TTN: variants seen among roughly 807,000 people sequenced by gnomAD.
TTN encodes connectin.
Under a neutral mutation model 3,223.0 loss-of-function variants are expected in TTN, and 1,525 were observed. The ratio of observed to expected loss-of-function variants is 0.47; its 90% CI spans 0.45 to 0.49. TTN has a LOEUF of 0.49. TTN is among the 20% of genes least tolerant of loss of function. The pLI, the probability that TTN is intolerant of heterozygous loss-of-function variation, is 0.00. For missense variants in TTN, 40,786 were observed against 43,424.0 expected (o/e 0.94, Z 5.40); for synonymous variants, 14,094 against 15,161.0 (o/e 0.93, Z 5.17).
At chr2:178,541,764 TATTTA>T (rs1694642494) in intron 349 of TTN, 180 bp from the exon 350 acceptor site, 2 of 371,118 alleles carry the variant, frequency 5.4e-6, no homozygotes, top group East Asian at 5.3e-5. Context: ...ATCATTTAAT[TATTTA>T]ATTATTTTTA....
At chr2:178,649,474 CAAT>C (rs1210826222) in intron 212 of TTN, 77 bp downstream of exon 212, 24 of 1,435,084 alleles carry the variant, frequency 1.7e-5, no homozygotes, top group Admixed American at 9.5e-5. Flanking sequence ...TATGCAACAA[CAAT>C]GAGGACAACT....
chr2:178,623,056 G>C (rs2058536563), intron 242 of TTN, among the ~76,000 whole-genome samples: 1 of 151,850 alleles, frequency 6.6e-6, no homozygotes, highest in Non-Finnish European at 1.5e-5. Flanking sequence ...TTGAATAATA[G>C]CTGGAGGAAA....
At position 178,598,898 on chromosome 2, in the gene TTN, G is replaced by A; in HGVS notation, c.56812C>T (p.Pro18938Ser). 6.2e-7 allele frequency: 1 copy of A among 1,613,062 alleles called. No individual in the cohort carries two copies. Among genetic ancestry groups the A allele is most frequent in the Non-Finnish European group, 8.5e-7 (1 of 1,179,476 alleles). The change falls in exon 291 of 363, where the codon CCT (proline) becomes TCT (serine). Residue 18938 changes from proline to serine, a missense_variant. Physicochemically the swap from Pro to Ser is moderately conservative, Grantham distance 74 (BLOSUM62 -1). Coordinates refer to ENST00000589042, the MANE Select transcript of TTN (RefSeq NM_001267550.2). The part of the protein sequence containing the change: ...SKRWKRVNRD[P>S]IKAMTLGVSY... ...ACACCCAAAGTCATGGCTTTGATAG[G>A]ATCTCGGTTAACTCTCTTCCATCTC...
intron 242 of TTN, among the ~76,000 whole-genome samples, chr2:178,623,576 G>C (rs1325100857): frequency 6.6e-6 from 1 of 151,884 alleles, no homozygotes; most frequent in African/African-American, 2.4e-5. Context: ...TTGGAGTGAA[G>C]GTAGATGTCA....
rs1279690538 is a variant in TTN at position 178,624,565 on chromosome 2, C to G, written c.44715G>C (p.Arg14905Ser). ...AGTCATGTATAACAAGTTTTCTGAC[C>G]CTGCCATCAGCAACAATTTCATACT... is the stretch of plus-strand genomic sequence containing the variant. ...SKKYEIVADG[R>S]VRKLVIHDCT... The change falls in exon 242 of 363, where the codon AGG becomes AGC. Residue 14905 changes from arginine to serine, a missense_variant. Coordinates refer to ENST00000589042, the MANE Select transcript of TTN (RefSeq NM_001267550.2). The G allele has an allele frequency of 6.2e-7, 1 of 1,612,586 alleles. No homozygotes were observed. Among genetic ancestry groups the G allele is most frequent in the Non-Finnish European group, 8.5e-7 (1 of 1,179,210 alleles).
chr2:178,750,617 A>C (rs756573695), intron 47 of TTN: 1 of 1,612,758 alleles, frequency 6.2e-7, no homozygotes, highest in South Asian at 1.1e-5. Context: ...AAAAAATCTC[A>C]TGTTTTCTTC....
chr2:178,650,286 G>T lies in TTN; in HGVS notation c.39710-15C>A. 6.5e-7 allele frequency: 1 copy of T among 1,542,530 alleles called. No homozygotes were observed. Among genetic ancestry groups the T allele is most frequent in the Non-Finnish European group, 8.8e-7 (1 of 1,139,966 alleles). ...TTCTTCATATACTTTAAAGATATTA[G>T]TTAATTTTATTTCAATGTATGGAAC... is the stretch of plus-strand genomic sequence containing the variant. On this transcript the variant is annotated splice_polypyrimidine_tract_variant and intron_variant, in intron 209 of 362. Coordinates refer to ENST00000589042, the MANE Select transcript of TTN (RefSeq NM_001267550.2).
chr2:178,762,541 G>C (rs2089483924), intron 43 of TTN, among the ~76,000 whole-genome samples: 1 of 151,964 alleles, frequency 6.6e-6, no homozygotes. Context: ...ATATAGTTAA[G>C]ACAAATATTA....
At chr2:178,704,054 G>C in intron 106 of TTN, 93 bp downstream of exon 106, 1 of 1,477,606 alleles carries the variant, frequency 6.8e-7, no homozygotes, top group Non-Finnish European at 9.1e-7. Context: ...GACCACTTTG[G>C]TGTGTGTCTA....
intron 49 of TTN, among the ~76,000 whole-genome samples, chr2:178,736,955 G>C (rs1015381306): frequency 2.0e-5 from 3 of 152,066 alleles, no homozygotes; most frequent in African/African-American, 4.8e-5. Flanking sequence ...CCTTCCCCTT[G>C]ATATTCTCAT....
chr2:178,583,924 A>T lies in TTN; in HGVS notation c.65276-18T>A. ...AGGAGGATCTAAAACAAAAAGAGGT[A>T]CACTCACCATTTATCTTACCAGCAG... is the stretch of plus-strand genomic sequence containing the variant. On this transcript the variant is annotated intron_variant, in intron 311 of 362. Coordinates refer to ENST00000589042, the MANE Select transcript of TTN (RefSeq NM_001267550.2). The T allele has an allele frequency of 6.6e-6, 10 of 1,522,178 alleles. No individual in the cohort carries two copies. The highest frequency in any genetic ancestry group is 8.0e-6 in the Non-Finnish European group (9 of 1,131,746). The allele number at this position is 1,522,178 out of a possible 1,614,324, so 94.3% of individuals were successfully genotyped here.
rs562662770 is a variant in TTN at position 178,575,087 on chromosome 2, A to G, written c.71045T>C (p.Phe23682Ser). 2 of 1,613,286 alleles carry G rather than the reference A, an allele frequency of 1.2e-6. No individual in the cohort carries two copies. Among genetic ancestry groups the G allele is most frequent in the Middle Eastern group, 1.7e-4 (1 of 6,056 alleles). ...QILKQTQRVN[F>S]ETTATSTILN... is the part of the protein sequence containing the mutation. ...AATGGTTGAAGTCGCTGTGGTTTCA[A>G]AATTAACTCTCTGTGTCTGTTTAAG... Residue 23682 changes from phenylalanine to serine, a missense_variant, in exon 326 of 363, where the codon TTT becomes TCT. Coordinates refer to ENST00000589042, the MANE Select transcript of TTN (RefSeq NM_001267550.2). This position sits in a 1 kb window ranked among gnomAD's most constrained non-coding sequence, Gnocchi z 4.0.
chr2:178,641,200 T>G, intron 220 of TTN, 41 bp downstream of exon 220: 1 of 1,318,296 alleles, frequency 7.6e-7, no homozygotes, highest in Non-Finnish European at 1.0e-6. Flanking sequence ...ATGTCCATTT[T>G]GTTAAAAGAT....
Position 178,561,227 on chromosome 2 carries a change from C to G in TTN, c.84905G>C (p.Cys28302Ser). Reference sequence around the variant, plus strand: ...TGTTTCTTGTATATTAGTATAATTGCACTTCAGCCACCGGCCATCTGGTAG... The same window carrying G: ...TGTTTCTTGTATATTAGTATAATTGGACTTCAGCCACCGGCCATCTGGTAG... ...RELPDGRWLK[C>S]NYTNIQETYF... is the part of the protein sequence containing the mutation. Residue 28302 changes from cysteine (C) to serine (S), a missense_variant, in exon 326 of 363, where the codon TGC becomes TCC. Physicochemically the swap from Cys to Ser is moderately radical, Grantham distance 112. Transcript: ENST00000589042. 6.2e-7 allele frequency: 1 copy of G among 1,613,598 alleles called. No homozygotes were observed. The highest frequency in any genetic ancestry group is 8.5e-7 in the Non-Finnish European group (1 of 1,179,794).
Position 178,642,247 on chromosome 2 carries a change from A to G in TTN, c.40548T>C (p.Val13516=). ...ERKPEPKEEV[V]LKSVLRKRPE... is the part of the protein sequence containing the mutation. The stretch of plus-strand genomic sequence containing the variant: ...TGAAAAATACTATACCGCTTTTCAG[A>G]ACAACTTCTTCCTTTGGTTCAGGTT... Residue 13516 remains valine, a synonymous_variant, in exon 219 of 363, where the codon GTT becomes GTC. Coordinates refer to ENST00000589042, the MANE Select transcript of TTN (RefSeq NM_001267550.2). 1 of 1,588,730 alleles carries G rather than the reference A, an allele frequency of 6.3e-7. No individual in the cohort carries two copies. The highest frequency in any genetic ancestry group is 8.6e-7 in the Non-Finnish European group (1 of 1,166,204).
chr2:178,564,361 T>C lies in TTN; in HGVS notation c.81771A>G (p.Pro27257=), dbSNP rs777471332. ...ARNAAGNFSE[P]SDSSGAITAR... is the part of the protein sequence containing the mutation. ...CAGTAATGGCACCACTACTATCAGA[T>C]GGTTCACTAAAGTTTCCAGCTGCAT... Residue 27257 remains proline, a synonymous_variant, in exon 326 of 363, where the codon CCA becomes CCG. Transcript: ENST00000589042. 3.7e-6 allele frequency: 6 copies of C among 1,613,742 alleles called. No homozygotes were observed. Among genetic ancestry groups the C allele is most frequent in the Non-Finnish European group, 5.1e-6 (6 of 1,179,748 alleles).
Position 178,602,016 on chromosome 2 carries a change from T to G in TTN, c.55255A>C (p.Lys18419Gln). 6.2e-7 allele frequency: 1 copy of G among 1,612,870 alleles called. No homozygotes were observed. The highest frequency in any genetic ancestry group is 1.1e-5 in the South Asian group (1 of 91,026). ...TATTTTCCTACCTTCATTGCTTTCT[T>G]TGCCTTTCCATCAAATTCCCAAGAT... Reference protein sequence around the residue: ...KSSWEFDGKAKKAMKDGVHDI... With the variant: ...KSSWEFDGKAQKAMKDGVHDI... The change falls in exon 284 of 363, where the codon AAG (lysine) becomes CAG (glutamine). Residue 18419 changes from lysine to glutamine, a missense_variant. Physicochemically the swap from Lys to Gln is moderately conservative, Grantham distance 53. Coordinates refer to ENST00000589042, the MANE Select transcript of TTN (RefSeq NM_001267550.2).
Position 178,591,707 on chromosome 2 carries a change from T to C in TTN, c.60112A>G (p.Thr20038Ala). 1 of 1,613,430 alleles carries C rather than the reference T, an allele frequency of 6.2e-7. No homozygotes were observed. Among genetic ancestry groups the C allele is most frequent in the Non-Finnish European group, 8.5e-7 (1 of 1,179,570 alleles). Residue 20038 changes from threonine to alanine, a missense_variant, in exon 303 of 363, where the codon ACT (threonine) becomes GCT (alanine). Thr to Ala is a moderately conservative substitution (Grantham distance 58). Transcript: ENST00000589042. ...TAGGTCTTTCCTTGTTGTAGTCCAG[T>C]AACCACACACTCTAAGTTTGTCACA... ...KTVTNLECVV[T>A]GLQQGKTYRF...
chr2:178,642,340 T>G, intron 218 of TTN, 23 bp from the exon 219 acceptor site: 1 of 1,554,876 alleles, frequency 6.4e-7, no homozygotes, highest in Non-Finnish European at 8.7e-7. Context: ...TGATTTCAAA[T>G]TTTGAAGTGA....
Sources: allele counts gnomAD v4.1 joint callset (sites outside exome capture counted in the v4.1 genomes callset), GRCh38; gene constraint gnomAD v4.1.1; non-coding constraint Gnocchi (gnomAD v3.1); transcripts MANE v1.5; gene names NCBI Gene and HGNC (gene_info 2026-07-23, HGNC 2026-07-21).